Variants in PUM3 observed in about 807,000 individuals in gnomAD.
The protein encoded by PUM3 is pumilio RNA binding family member 3.
PUM3 carries 91 observed loss-of-function variants against 84.0 expected under a neutral mutation model. The observed-to-expected ratio is 1.08, with a 90% confidence interval of 0.91 to 1.29. The LOEUF is 1.29. Ranked by LOEUF, PUM3 falls within the 50% of genes most tolerant of loss-of-function variation. The pLI is 0.00. For missense variants in PUM3, 1,067 were observed against 767.5 expected, an observed-to-expected ratio of 1.39 and a Z score of -4.61; for synonymous variants, 321 against 266.7, an observed-to-expected ratio of 1.20 and a Z score of -1.98.
At chr9:2,838,029 G>C (rs1435138098) in intron 2 of PUM3, among the ~76,000 whole-genome samples, 2 of 152,050 alleles carry the variant, frequency 1.3e-5, no homozygotes, top group African/African-American at 4.8e-5. Flanking sequence ...TGACTTTTCT[G>C]TTTTACAATA....
At chr9:2,817,808 C>A in intron 13 of PUM3, among the ~76,000 whole-genome samples, 1 of 152,080 alleles carries the variant, frequency 6.6e-6, no homozygotes, top group East Asian at 1.9e-4. Context: ...ATTATTCATA[C>A]CTTTCTGTAT....
chr9:2,832,233 C>A (rs1816002805), intron 5 of PUM3, among the ~76,000 whole-genome samples: 1 of 152,072 alleles, frequency 6.6e-6, no homozygotes, highest in Admixed American at 6.6e-5. Context: ...ATTATATAAT[C>A]AACATAAATG....
intron 13 of PUM3, among the ~76,000 whole-genome samples, chr9:2,813,961 A>G (rs1462802280): frequency 4.4e-5 from 6 of 136,884 alleles, no homozygotes. Context: ...TCCAATCCCC[A>G]TTATGCTCTC....
chr9:2,811,740 G>A (rs1302517719), intron 14 of PUM3, among the ~76,000 whole-genome samples, 157 bp from the exon 15 acceptor site: 6 of 151,292 alleles, frequency 4.0e-5, no homozygotes, highest in Admixed American at 6.6e-5. Flanking sequence ...TAAGTGATAC[G>A]AGTATGTGTT....
rs572446715 is a variant in PUM3 at position 2,826,339 on chromosome 9, C to T, written c.1035+734G>A. On this transcript the variant is annotated intron_variant, in intron 10 of 17. Coordinates refer to ENST00000397885, the MANE Select transcript of PUM3 (RefSeq NM_014878.5). ...TTTTTCAGGAAGTAAGAAAAATCTC[C>T]AAAACAGAAGGTGCTGCTATGGTCA... Among the ~76,000 whole-genome samples the T allele has an allele frequency of 5.9e-5, 9 of 152,200 alleles. No homozygotes were observed. In the South Asian group the frequency reaches 1.9e-3, roughly 32 times the overall value.
intron 13 of PUM3, among the ~76,000 whole-genome samples, chr9:2,815,986 C>A (rs1821459860): frequency 6.6e-6 from 1 of 152,182 alleles, no homozygotes; most frequent in African/African-American, 2.4e-5. Context: ...CCTTGGCACT[C>A]CTGTTTTGCC....
intron 12 of PUM3, 116 bp from the exon 13 acceptor site, chr9:2,820,214 A>AG: frequency 1.8e-6 from 1 of 547,886 alleles, no homozygotes; most frequent in Non-Finnish European, 3.2e-6. Context: ...AAAAAAAAAA[A>AG]AAAAAAGATT....
At chr9:2,815,327 C>A (rs1008542457) in intron 13 of PUM3, among the ~76,000 whole-genome samples, 1 of 152,122 alleles carries the variant, frequency 6.6e-6, no homozygotes, top group Admixed American at 6.6e-5. Context: ...CAAAAACATA[C>A]ACCTTTGAAA....
Position 2,812,349 on chromosome 9 carries a change from G to A in PUM3, c.1283C>T (p.Ser428Leu). The change falls in exon 14 of 18, where the codon TCA becomes TTA. Residue 428 changes from serine to leucine, a missense_variant. Transcript: ENST00000397885. ...KQIIISEIIS[S>L]LPSIVNDKYG... Reference sequence around the variant, plus strand: ...TTTGTCATTTACTATGCTAGGCAATGAACTGATAATTTCCTATAAAATTAT... The same window carrying A: ...TTTGTCATTTACTATGCTAGGCAATAAACTGATAATTTCCTATAAAATTAT... The A allele has an allele frequency of 1.9e-6, 3 of 1,570,284 alleles. No homozygotes were observed. The highest frequency in any genetic ancestry group is 2.6e-6 in the Non-Finnish European group (3 of 1,149,488).
At chr9:2,817,424 C>A (rs990829804) in intron 13 of PUM3, among the ~76,000 whole-genome samples, 5 of 152,074 alleles carry the variant, frequency 3.3e-5, no homozygotes, top group Non-Finnish European at 7.4e-5. Context: ...CATGATAGGA[C>A]CATATATACC....
At position 2,831,343 on chromosome 9, in the gene PUM3, A is replaced by T; in HGVS notation, c.518T>A (p.Ile173Asn). ...ACGAGTTGAATCGTGTGCAAATGCA[A>T]TCTGCAGGAAAAAGTTTGAGTTAGA... is the stretch of plus-strand genomic sequence containing the variant. ...QKLIQGKIKT[I>N]AFAHDSTRVI... The change falls in exon 6 of 18, where the codon ATT becomes AAT. Residue 173 changes from isoleucine (I) to asparagine (N), a missense_variant and splice_region_variant. Physicochemically the swap from Ile to Asn is moderately radical, Grantham distance 149. Coordinates refer to ENST00000397885, the MANE Select transcript of PUM3 (RefSeq NM_014878.5). The T allele has an allele frequency of 1.9e-6, 3 of 1,598,326 alleles. No homozygotes were observed. The highest frequency in any genetic ancestry group is 2.6e-6 in the Non-Finnish European group (3 of 1,170,514).
chr9:2,823,718 T>A (rs964761301), intron 12 of PUM3, 63 bp downstream of exon 12: 2 of 694,252 alleles, frequency 2.9e-6, no homozygotes, highest in African/African-American at 3.7e-5. Context: ...AAATTTTCTA[T>A]AATAGACATG....
chr9:2,839,497 C>T (rs567031037), intron 1 of PUM3, among the ~76,000 whole-genome samples: 4 of 152,300 alleles, frequency 2.6e-5, no homozygotes, highest in South Asian at 4.1e-4. Context: ...TTTTCAGATT[C>T]TTTAATTTGC....
rs1369137893 is a variant in PUM3 at position 2,844,078 on chromosome 9, G to A, written c.-44C>T. The A allele has an allele frequency of 2.5e-5, 4 of 159,958 alleles. No homozygotes were observed. Among genetic ancestry groups the A allele is most frequent in the African/African-American group, 9.6e-5 (4 of 41,456 alleles). 9.9% of individuals were successfully genotyped at this position (159,958 alleles called of 1,614,324 possible). On this transcript the variant is annotated 5_prime_UTR_variant, in exon 1 of 18. Transcript: ENST00000397885. ...TGGGACCGAGACAGCTCGCGCAGCG[G>A]ATCCCGACCGCCTCTCCGCTTCCGC...
intron 3 of PUM3, among the ~76,000 whole-genome samples, chr9:2,834,833 A>ACCTT (rs111736617): frequency 3.2e-4 from 49 of 151,434 alleles, no homozygotes; most frequent in African/African-American, 1.1e-3. Context: ...AAAGTCGAAT[A>ACCTT]TCTATCACCA....
chr9:2,811,626 C>T (rs767436840), intron 14 of PUM3, 43 bp from the exon 15 acceptor site: 43 of 1,460,186 alleles, frequency 2.9e-5, no homozygotes, highest in Non-Finnish European at 3.9e-5. Context: ...AGATAAATCG[C>T]AAAGGAAATG....
At chr9:2,821,637 G>A (rs938595758) in intron 12 of PUM3, among the ~76,000 whole-genome samples, 1 of 152,054 alleles carries the variant, frequency 6.6e-6, no homozygotes, top group African/African-American at 2.4e-5. Context: ...TTAGGGAAAA[G>A]CAGGCACGCT....
At chr9:2,815,416 TA>T (rs1821450644) in intron 13 of PUM3, among the ~76,000 whole-genome samples, 1 of 152,216 alleles carries the variant, frequency 6.6e-6, no homozygotes, top group Non-Finnish European at 1.5e-5. Context: ...TGGTGTGTAC[TA>T]ACAATTCCAG....
At chr9:2,835,919 TTTAAAA>T (rs1816107896) in intron 3 of PUM3, among the ~76,000 whole-genome samples, 1 of 152,156 alleles carries the variant, frequency 6.6e-6, no homozygotes, top group Non-Finnish European at 1.5e-5. Context: ...TGTATATGTG[TTTAAAA>T]TGCAGGCATC....
Sources: allele counts gnomAD v4.1 joint callset (sites outside exome capture counted in the v4.1 genomes callset), GRCh38; gene constraint gnomAD v4.1.1; transcripts MANE v1.5; gene names NCBI Gene and HGNC (gene_info 2026-07-23, HGNC 2026-07-21).